Variants in ZNF600 observed in about 807,000 individuals in gnomAD.
ZNF600 encodes zinc finger protein KR-ZNF1.
A neutral mutation model predicts 7.3 loss-of-function variants in ZNF600; 4 were observed. That is an observed-to-expected ratio of 0.55 (90% CI 0.27 to 1.25). The LOEUF (loss-of-function observed/expected upper bound fraction) is 1.25. Among genes scored for constraint, ZNF600 ranks in the 50% most tolerant of loss-of-function variants. The pLI is 0.12. For missense variants in ZNF600, 911 were observed against 922.1 expected, an observed-to-expected ratio of 0.99 and a Z score of 0.16; for synonymous variants, 290 against 308.9, an observed-to-expected ratio of 0.94 and a Z score of 0.64.
intron 3 of ZNF600, among the ~76,000 whole-genome samples, chr19:52,773,784 T>C (rs2062649907): frequency 6.6e-6 from 1 of 151,664 alleles, no homozygotes; most frequent in African/African-American, 2.4e-5. Flanking sequence ...AGGTAGGAGA[T>C]TGCTTGAACC....
At chr19:52,814,070 T>C in the ZNF600 span, among the ~76,000 whole-genome samples, 2 of 146,670 alleles carry the variant, frequency 1.4e-5, no homozygotes, top group Admixed American at 1.4e-4. Context: ...GAATTTCTTC[T>C]AAAGCCTCAT....
At chr19:52,792,657 A>G in the ZNF600 span, among the ~76,000 whole-genome samples, 1 of 152,148 alleles carries the variant, frequency 6.6e-6, no homozygotes, top group African/African-American at 2.4e-5. Flanking sequence ...CTTTGTTTAA[A>G]GTTGTCCCGC....
At chr19:52,784,465 T>C (rs887561075) in intron 1 of ZNF600, among the ~76,000 whole-genome samples, 1 of 152,116 alleles carries the variant, frequency 6.6e-6, no homozygotes, top group East Asian at 1.9e-4. Flanking sequence ...TGATTTTTTT[T>C]CCCCCACATC....
At chr19:52,787,866 A>AAAAAAG (rs1204035340), upstream of ZNF600, among the ~76,000 whole-genome samples, 20 of 106,394 alleles carry the variant, frequency 1.9e-4, no homozygotes, top group South Asian at 2.4e-4. Context: ...TCTCAAAAAA[A>AAAAAAG]AAAAAGAAAA....
chr19:52,794,726 G>T, the ZNF600 span, among the ~76,000 whole-genome samples: 1 of 152,142 alleles, frequency 6.6e-6, no homozygotes, highest in African/African-American at 2.4e-5. Context: ...CTGGTGGTGT[G>T]CATCTGTGGT....
exon 4 of ZNF600, chr19:52,765,500 A>T: frequency 1.3e-6 from 2 of 1,597,226 alleles, no homozygotes; most frequent in Non-Finnish European, 1.7e-6. Context: ...CACATTTATT[A>T]CACTTGTTAG....
At chr19:52,798,588 C>A in the ZNF600 span, 2 of 480,716 alleles carry the variant, frequency 4.2e-6, no homozygotes, top group Admixed American at 4.7e-5. Flanking sequence ...CGCTTTGCCA[C>A]AATCATCACA....
the ZNF600 span, among the ~76,000 whole-genome samples, chr19:52,830,448 C>A: frequency 5.0e-3 from 763 of 152,074 alleles, 9 homozygotes; most frequent in African/African-American, 0.017. Flanking sequence ...TTTCTAAGCA[C>A]AATAGTCCAC....
the ZNF600 span, chr19:52,810,582 G>A: frequency 1.4e-4 from 224 of 1,589,382 alleles, 1 homozygote; most frequent in African/African-American, 1.7e-3. Flanking sequence ...CCACGAGCCC[G>A]CTACCGCGCC....
intron 2 of ZNF600, among the ~76,000 whole-genome samples, chr19:52,777,704 C>T (rs2062687444): frequency 6.6e-6 from 1 of 152,026 alleles, no homozygotes; most frequent in Admixed American, 6.6e-5. Context: ...GTGGTGCATC[C>T]TGAAGTCCCA....
intron 3 of ZNF600, among the ~76,000 whole-genome samples, chr19:52,773,804 G>A (rs1423580837): frequency 6.6e-6 from 1 of 152,024 alleles, no homozygotes; most frequent in Non-Finnish European, 1.5e-5. Flanking sequence ...CTGGGAGGTG[G>A]AGGTTGCAGT....
chr19:52,764,312 G>A (rs145220856), downstream of ZNF600: 17 of 151,672 alleles, frequency 1.1e-4, no homozygotes, highest in Non-Finnish European at 2.2e-4. Flanking sequence ...CCAGGTTTAA[G>A]CGACTCTTGT....
the ZNF600 span, among the ~76,000 whole-genome samples, chr19:52,811,724 G>A: frequency 6.7e-6 from 1 of 149,622 alleles, no homozygotes; most frequent in African/African-American, 2.5e-5. Flanking sequence ...AGTGAGGAGC[G>A]TCTCCGCCCG....
chr19:52,820,736 T>C, the ZNF600 span, among the ~76,000 whole-genome samples: 20 of 152,320 alleles, frequency 1.3e-4, no homozygotes, highest in Admixed American at 7.2e-4. Context: ...TCTGTACATC[T>C]AGCTTTTCTC....
the ZNF600 span, among the ~76,000 whole-genome samples, chr19:52,802,793 C>T: frequency 7.1e-6 from 1 of 141,022 alleles, no homozygotes; most frequent in South Asian, 2.2e-4. Flanking sequence ...CGAAATCTTG[C>T]TCTGTCGCCC....
rs35098902 is a variant in ZNF600 at position 52,774,458 on chromosome 19, C to CAAAA, written c.190+113_190+116dup. 4.1e-5 allele frequency: 33 copies of CAAAA among 814,810 alleles called. No individual in the cohort carries two copies. In the African/African-American group the frequency reaches 4.3e-4, roughly 11 times the overall value. The allele number at this position is 814,810 out of a possible 1,614,324, so 50.5% of individuals were successfully genotyped here. A position where few individuals can be genotyped will look rare whatever the true frequency, so the allele number is the denominator to read the frequency against. ...CAAAAAAACAAAACAAAAAAACAAC[C>CAAAA]AAAAAAAAAAAAAAAGCCATGCATG... is the stretch of plus-strand genomic sequence containing the variant. On this transcript the variant is annotated intron_variant, in intron 3 of 3. Coordinates refer to ENST00000648973, the Ensembl canonical transcript of ZNF600.
chr19:52,832,755 G>T, the ZNF600 span, among the ~76,000 whole-genome samples: 1 of 152,012 alleles, frequency 6.6e-6, no homozygotes, highest in African/African-American at 2.4e-5. Flanking sequence ...GCTACAGAGC[G>T]ACATTTTCTC....
intron 2 of ZNF600, among the ~76,000 whole-genome samples, chr19:52,777,195 G>A (rs538526979): frequency 1.9e-4 from 29 of 151,550 alleles, no homozygotes; most frequent in East Asian, 7.8e-4. Flanking sequence ...TGACCAATAC[G>A]GTGAAACCCC....
At chr19:52,767,910 G>C in intron 3 of ZNF600, 138 bp from the exon 6 acceptor site, 1 of 1,275,148 alleles carries the variant, frequency 7.8e-7, no homozygotes, top group Non-Finnish European at 1.0e-6. Context: ...AACACAAAAG[G>C]AGTAAGATTC....
Sources: allele counts gnomAD v4.1 joint callset (sites outside exome capture counted in the v4.1 genomes callset), GRCh38; gene constraint gnomAD v4.1.1; transcripts MANE v1.5; gene names NCBI Gene and HGNC (gene_info 2026-07-23, HGNC 2026-07-21).